ZC3H3: variants seen among roughly 807,000 people sequenced by gnomAD.
ZC3H3 encodes zinc finger CCCH-type containing 3.
ZC3H3 carries 36 observed loss-of-function variants against 77.3 expected under a neutral mutation model. The observed-to-expected ratio is 0.47, with a 90% CI of 0.36 to 0.61. The LOEUF (loss-of-function observed/expected upper bound fraction) is 0.61, where lower values mean the gene tolerates loss of function less well. Among genes scored for constraint, ZC3H3 ranks in the 20% least tolerant of loss-of-function variants. The pLI is 0.00. For missense variants in ZC3H3, 1,331 were observed against 1,312.2 expected, an observed-to-expected ratio of 1.01 and a Z score of -0.22; for synonymous variants, 626 against 555.2, an observed-to-expected ratio of 1.13 and a Z score of -1.79.
chr8:143,485,683 C>T (rs756042574), intron 4 of ZC3H3, among the ~76,000 whole-genome samples: 31 of 152,220 alleles, frequency 2.0e-4, no homozygotes, highest in Admixed American at 4.6e-4. Context: ...AACCAGATGC[C>T]GTGGAAGAGC....
intron 4 of ZC3H3, among the ~76,000 whole-genome samples, chr8:143,483,819 C>T (rs1045664918): frequency 1.8e-4 from 27 of 152,240 alleles, no homozygotes; most frequent in African/African-American, 5.3e-4. Flanking sequence ...TCACCAGCTC[C>T]AAGGGGCCTC....
Position 143,533,260 on chromosome 8 carries a change from G to T in ZC3H3, c.1561+2997C>A, listed in dbSNP as rs1009253246. Among the ~76,000 whole-genome samples the T allele has an allele frequency of 6.6e-6, 1 of 152,124 alleles. No homozygotes were observed. Among genetic ancestry groups the T allele is most frequent in the Admixed American group, 6.5e-5 (1 of 15,284 alleles). ...GGTGAACTGGCCCCACAGCCTCCTTGTGCTCCAGAACACAGTAAGCTCGTT... is the reference window on the plus strand; with the variant it reads ...GGTGAACTGGCCCCACAGCCTCCTTTTGCTCCAGAACACAGTAAGCTCGTT... On this transcript the variant is annotated intron_variant, in intron 3 of 11. Coordinates refer to ENST00000262577, the MANE Select transcript of ZC3H3 (RefSeq NM_015117.3). This position sits in a 1 kb window ranked among gnomAD's most constrained non-coding sequence, Gnocchi z 4.0.
chr8:143,479,772 C>T (rs1407525592), intron 4 of ZC3H3, among the ~76,000 whole-genome samples: 2 of 152,298 alleles, frequency 1.3e-5, no homozygotes, highest in East Asian at 1.9e-4. Context: ...TACACCAGGG[C>T]GAGGCTGGGC....
intron 4 of ZC3H3, among the ~76,000 whole-genome samples, chr8:143,485,337 GA>G (rs1167811491): frequency 6.6e-6 from 1 of 152,240 alleles, no homozygotes; most frequent in African/African-American, 2.4e-5. Flanking sequence ...AGGTGGTCTG[GA>G]AGAGTAAGCA....
chr8:143,506,280 TC>T (rs1296577326), intron 4 of ZC3H3, among the ~76,000 whole-genome samples: 1 of 152,218 alleles, frequency 6.6e-6, no homozygotes, highest in Non-Finnish European at 1.5e-5. Flanking sequence ...AGGTGGACCC[TC>T]GACGTCGGGC....
intron 4 of ZC3H3, among the ~76,000 whole-genome samples, chr8:143,486,763 A>G (rs997034128): frequency 6.6e-6 from 1 of 150,660 alleles, no homozygotes; most frequent in Non-Finnish European, 1.5e-5. Flanking sequence ...CGACCCCATC[A>G]CCACGAAGCT....
At chr8:143,474,467 G>A (rs776725651) in intron 5 of ZC3H3, among the ~76,000 whole-genome samples, 6 of 152,236 alleles carry the variant, frequency 3.9e-5, no homozygotes, top group East Asian at 1.9e-4. Flanking sequence ...TGCTCCCAGC[G>A]ACTCTGCCCA....
At chr8:143,523,246 A>C (rs1822306886) in intron 3 of ZC3H3, 6 of 939,102 alleles carry the variant, frequency 6.4e-6, no homozygotes, top group Non-Finnish European at 7.6e-6. Context: ...CCCACTGCAC[A>C]CAACCCTCCA....
chr8:143,514,995 C>G (rs1404225867), intron 3 of ZC3H3, among the ~76,000 whole-genome samples: 4 of 152,270 alleles, frequency 2.6e-5, no homozygotes, highest in Admixed American at 2.6e-4. Flanking sequence ...CCAGTGCCCC[C>G]ACCATCCTGC....
In ZC3H3 at chr8:143,537,821, C is replaced by T. The variant is rs557696225; in HGVS notation, c.1364+182G>A. ...GGAAACCTGTCCCCTAAGTTTATGC[C>T]GGCCAGGGCCCCGGCCCCAGGCAAG... On this transcript the variant is annotated intron_variant, in intron 2 of 11. Coordinates refer to ENST00000262577, the MANE Select transcript of ZC3H3 (RefSeq NM_015117.3). 7.9e-5 allele frequency among the ~76,000 whole-genome samples: 12 copies of T among 152,034 alleles called. No homozygotes were observed. The South Asian group carries it at 2.3e-3, about 29-fold the overall frequency.
intron 4 of ZC3H3, among the ~76,000 whole-genome samples, chr8:143,500,623 G>A (rs1035410560): frequency 2.0e-5 from 3 of 152,216 alleles, no homozygotes; most frequent in Admixed American, 6.5e-5. Context: ...GCATGGTGCC[G>A]GCACCAGGTG....
intron 4 of ZC3H3, among the ~76,000 whole-genome samples, chr8:143,504,558 A>G (rs1821630165): frequency 6.6e-6 from 1 of 152,026 alleles, no homozygotes; most frequent in South Asian, 2.1e-4. Flanking sequence ...CCCCACCACA[A>G]TCAAGCCTAG....
chr8:143,442,929 C>T (rs926785047), intron 9 of ZC3H3, among the ~76,000 whole-genome samples: 11 of 152,152 alleles, frequency 7.2e-5, no homozygotes, highest in African/African-American at 2.2e-4. Context: ...TACTGGACAG[C>T]GCCGATGAGA....
intron 9 of ZC3H3, among the ~76,000 whole-genome samples, chr8:143,455,433 T>C (rs899001699): frequency 6.6e-5 from 10 of 151,574 alleles, no homozygotes; most frequent in South Asian, 4.2e-4. Flanking sequence ...AAGGCAGAGG[T>C]TGCAGTGGAC....
chr8:143,529,632 G>A (rs1020205788), intron 3 of ZC3H3, among the ~76,000 whole-genome samples: 3 of 152,208 alleles, frequency 2.0e-5, no homozygotes, highest in East Asian at 1.9e-4. Context: ...TGGGCGGGCG[G>A]CCAGGGCTCT....
At chr8:143,449,901 T>G (rs1057445417) in intron 9 of ZC3H3, among the ~76,000 whole-genome samples, 1 of 151,730 alleles carries the variant, frequency 6.6e-6, no homozygotes, top group Non-Finnish European at 1.5e-5. Flanking sequence ...TCCCAATAAG[T>G]TCCTCATCTC....
intron 3 of ZC3H3, among the ~76,000 whole-genome samples, chr8:143,514,829 C>T (rs538441760): frequency 7.6e-4 from 115 of 152,284 alleles, no homozygotes; most frequent in South Asian, 8.3e-4. Context: ...GGCCACTCTC[C>T]GAGGCAGGAC....
chr8:143,524,628 A>C (rs1163037734), intron 3 of ZC3H3, among the ~76,000 whole-genome samples: 2 of 152,220 alleles, frequency 1.3e-5, no homozygotes, highest in African/African-American at 2.4e-5. Flanking sequence ...CTTGGGGAGG[A>C]GACTGGCCCC....
At chr8:143,484,745 G>A (rs939562693) in intron 4 of ZC3H3, 5 of 340,664 alleles carry the variant, frequency 1.5e-5, no homozygotes, top group African/African-American at 1.1e-4. Context: ...AGCTACTGAG[G>A]GGCAGGCTGG....
Sources: allele counts gnomAD v4.1 joint callset (sites outside exome capture counted in the v4.1 genomes callset), GRCh38; gene constraint gnomAD v4.1.1; non-coding constraint Gnocchi (gnomAD v3.1); transcripts MANE v1.5; gene names NCBI Gene and HGNC (gene_info 2026-07-23, HGNC 2026-07-21).